The following CBFA2T3 variants were observed in gnomAD, a reference collection of about 807,000 sequenced individuals.
CBFA2T3 encodes the protein transcriptional corepressor CBFA2T3.
Under a neutral mutation model 58.6 loss-of-function variants are expected in CBFA2T3, and 31 were observed. That is an observed-to-expected ratio of 0.53 (90% confidence interval 0.40 to 0.71). The LOEUF is 0.71. Among genes scored for constraint, CBFA2T3 ranks in the 30% least tolerant of loss-of-function variants. CBFA2T3 has a pLI of 0.00. For missense variants in CBFA2T3, 1,076 were observed against 963.1 expected (o/e 1.12, Z -1.55); for synonymous variants, 531 against 421.9 (o/e 1.26, Z -3.17).
chr16:88,926,017 G>A (rs957328702), intron 1 of CBFA2T3, among the ~76,000 whole-genome samples: 1 of 152,234 alleles, frequency 6.6e-6, no homozygotes, highest in Non-Finnish European at 1.5e-5. Context: ...TCTGCCCCCT[G>A]GAAGGTCAGC....
At chr16:88,880,584 A>T in intron 10 of CBFA2T3, 136 bp downstream of exon 10, 1 of 719,760 alleles carries the variant, frequency 1.4e-6, no homozygotes, top group Non-Finnish European at 2.3e-6. Context: ...TGAGCCACAC[A>T]GCGGAATGCA....
At chr16:88,913,298 G>C (rs1385467137) in intron 1 of CBFA2T3, among the ~76,000 whole-genome samples, 3 of 152,234 alleles carry the variant, frequency 2.0e-5, no homozygotes, top group Non-Finnish European at 2.9e-5. Context: ...GACCGTGGCT[G>C]ACCACGGACC....
rs1567574080 is a variant in CBFA2T3, at chr16:88,881,371, G to GCGT, written c.1319_1321dup (p.Asp440dup). 6.3e-7 allele frequency: 1 copy of GCGT among 1,590,282 alleles called. No homozygotes were observed. Among genetic ancestry groups the GCGT allele is most frequent in the South Asian group, 1.1e-5 (1 of 89,060 alleles). On this transcript the variant is annotated inframe_insertion, in exon 9 of 12. Transcript: ENST00000268679. The stretch of plus-strand genomic sequence containing the variant: ...AGCGGGGCCCTTCTTTGTGTCCTCG[G>GCGT]CGTCGCTGTAGCGCCGCGCCCAGTG...
chr16:88,885,311 A>G lies in CBFA2T3; in HGVS notation c.894-42T>C. ...GTGGGGCGAGGGCAGTGGACATAGG[A>G]TGAACCGGGGACAGAGGTGCAGGTG... On this transcript the variant is annotated intron_variant, in intron 6 of 11. Coordinates refer to ENST00000268679, the MANE Select transcript of CBFA2T3 (RefSeq NM_005187.6). This position sits in a 1 kb window ranked among gnomAD's most constrained non-coding sequence, Gnocchi z 5.3. 1 of 1,409,528 alleles carries G rather than the reference A, an allele frequency of 7.1e-7. No individual in the cohort carries two copies. Among genetic ancestry groups the G allele is most frequent in the Non-Finnish European group, 9.5e-7 (1 of 1,052,602 alleles). 87.3% of individuals were successfully genotyped at this position (1,409,528 alleles called of 1,614,324 possible).
rs1194005181 is a variant in CBFA2T3, at chr16:88,885,419, G to A, written c.894-150C>T. On this transcript the variant is annotated intron_variant, in intron 6 of 11. Coordinates refer to ENST00000268679, the MANE Select transcript of CBFA2T3 (RefSeq NM_005187.6). This position sits in a 1 kb window ranked among gnomAD's most constrained non-coding sequence, Gnocchi z 5.3. ...AAACACGGAGCAAAACACCAGCCCCGGGAAGCCCAGCCCGGCGCCCCCACT... is the reference window on the plus strand; with the variant it reads ...AAACACGGAGCAAAACACCAGCCCCAGGAAGCCCAGCCCGGCGCCCCCACT... The A allele has an allele frequency of 1.1e-5, 6 of 546,706 alleles. No individual in the cohort carries two copies. The Admixed American group carries it at 1.5e-4, about 13-fold the overall frequency. 33.9% of individuals were successfully genotyped at this position (546,706 alleles called of 1,614,324 possible). A position where few individuals can be genotyped will look rare whatever the true frequency, so the allele number is the denominator to read the frequency against.
At chr16:88,941,464 G>T (rs1283344090) in intron 1 of CBFA2T3, among the ~76,000 whole-genome samples, 1 of 148,072 alleles carries the variant, frequency 6.8e-6, no homozygotes, top group African/African-American at 2.4e-5. Context: ...CCGCCCCGGG[G>T]CGCCGGCCTG....
chr16:88,976,751 A>G lies in CBFA2T3; in HGVS notation c.57T>C (p.Cys19=), dbSNP rs2142899566. ...CAGGGTGCGTCTGGGACATGGAGCC[A>G]CAGGTGGATCCCGAGGCTGAACTGG... is the stretch of plus-strand genomic sequence containing the variant. The part of the protein sequence containing the change: ...RAASSASGST[C]GSMSQTHPVL... The change falls in exon 1 of 12, where the codon TGT becomes TGC. Residue 19 remains cysteine (C), a synonymous_variant. Transcript: ENST00000268679. 6.4e-7 allele frequency: 1 copy of G among 1,557,296 alleles called. No homozygotes were observed. The highest frequency in any genetic ancestry group is 1.4e-5 in the African/African-American group (1 of 73,846).
At chr16:88,948,563 C>A (rs1255998794) in intron 1 of CBFA2T3, among the ~76,000 whole-genome samples, 1 of 152,230 alleles carries the variant, frequency 6.6e-6, no homozygotes, top group Non-Finnish European at 1.5e-5. Context: ...GGAGTCCGGG[C>A]TCCGGACAGG....
intron 5 of CBFA2T3, among the ~76,000 whole-genome samples, chr16:88,887,431 C>T (rs1352860374): frequency 6.6e-6 from 1 of 152,220 alleles, no homozygotes; most frequent in Non-Finnish European, 1.5e-5. Context: ...GGGAGAACAT[C>T]TGGATCCCTG....
At chr16:88,924,948 A>T (rs1971037338) in intron 1 of CBFA2T3, among the ~76,000 whole-genome samples, 1 of 152,218 alleles carries the variant, frequency 6.6e-6, no homozygotes. Context: ...GTGGGTGCAG[A>T]CAGTGAAAAC....
At chr16:88,905,562 A>G (rs7195662) in intron 1 of CBFA2T3, among the ~76,000 whole-genome samples, 8,787 of 151,094 alleles carry the variant, frequency 0.058, 433 homozygotes, top group African/African-American at 0.14. Flanking sequence ...AGGCCCCCAG[A>G]GGAAATGCCT....
rs1167816342 is a variant in CBFA2T3 at position 88,881,271 on chromosome 16, CCCCCACA to C, written c.1402+13_1402+19del. 4 of 1,593,846 alleles carry C rather than the reference CCCCCACA, an allele frequency of 2.5e-6. No individual in the cohort carries two copies. Among genetic ancestry groups the C allele is most frequent in the East Asian group, 4.5e-5 (2 of 44,662 alleles). On this transcript the variant is annotated intron_variant, in intron 9 of 11. Transcript: ENST00000268679. ...CAGAGCACCCCGTGTCTGCTCCCTCCCCCCACACCCCACACGCACCTAGCTGAGGCCC... is the reference window on the plus strand; with the variant it reads ...CAGAGCACCCCGTGTCTGCTCCCTCCCCCCACACGCACCTAGCTGAGGCCC...
chr16:88,941,399 C>CCCGCCG (rs1038578518), intron 1 of CBFA2T3, among the ~76,000 whole-genome samples: 50 of 146,808 alleles, frequency 3.4e-4, no homozygotes, highest in African/African-American at 1.2e-3. Flanking sequence ...CCTCCTGCCC[C>CCCGCCG]CCGCCGCCGC....
chr16:88,910,971 C>A (rs1317953820), intron 1 of CBFA2T3, among the ~76,000 whole-genome samples: 1 of 152,194 alleles, frequency 6.6e-6, no homozygotes, highest in Non-Finnish European at 1.5e-5. Flanking sequence ...CGCTGCCCTG[C>A]GGCCGCCTCC....
rs528183780 is a variant in CBFA2T3 at position 88,964,405 on chromosome 16, A to G, written c.151+12252T>C. ...GGCCCAGTGGCCTCTTTTGACTTTT[A>G]ATTTACTGCTGGTGAGGCTTCAGTT... is the stretch of plus-strand genomic sequence containing the variant. On this transcript the variant is annotated intron_variant, in intron 1 of 11. Transcript: ENST00000268679. 7.2e-5 allele frequency among the ~76,000 whole-genome samples: 11 copies of G among 152,340 alleles called. No homozygotes were observed. In the South Asian group the frequency reaches 2.3e-3, roughly 32 times the overall value.
At chr16:88,914,602 G>A (rs1056183537) in intron 1 of CBFA2T3, among the ~76,000 whole-genome samples, 1 of 152,180 alleles carries the variant, frequency 6.6e-6, no homozygotes, top group African/African-American at 2.4e-5. Context: ...AGCGACCAGG[G>A]TGAGTCTGGG....
intron 5 of CBFA2T3, among the ~76,000 whole-genome samples, chr16:88,890,915 T>C (rs1202379091): frequency 6.6e-6 from 1 of 152,176 alleles, no homozygotes; most frequent in Non-Finnish European, 1.5e-5. Context: ...GGTCTAGCTG[T>C]GTTGCCCAGG....
rs556811635 is a variant in CBFA2T3, at chr16:88,876,740, T to G, written c.*236A>C. The G allele has an allele frequency of 1.6e-3, 742 of 460,856 alleles. 3 individuals carry two copies. Among genetic ancestry groups the G allele is most frequent in the Middle Eastern group, 7.0e-3 (13 of 1,844 alleles). The allele number at this position is 460,856 out of a possible 1,614,324, so 28.5% of individuals were successfully genotyped here. A position where few individuals can be genotyped will look rare whatever the true frequency, so the allele number is the denominator to read the frequency against. On this transcript the variant is annotated 3_prime_UTR_variant, in exon 12 of 12. Coordinates refer to ENST00000268679, the MANE Select transcript of CBFA2T3 (RefSeq NM_005187.6). ...CTTGAAGAGACGTTGTCAGGAGGTC[T>G]CCGCGCGGAATCATTAGGTAGCTGA...
intron 3 of CBFA2T3, among the ~76,000 whole-genome samples, chr16:88,896,745 T>G (rs1279499734): frequency 6.6e-6 from 1 of 152,130 alleles, no homozygotes; most frequent in Non-Finnish European, 1.5e-5. Flanking sequence ...TCCAGCAGCT[T>G]CTCAGACGCG....
Sources: allele counts gnomAD v4.1 joint callset (sites outside exome capture counted in the v4.1 genomes callset), GRCh38; gene constraint gnomAD v4.1.1; non-coding constraint Gnocchi (gnomAD v3.1); transcripts MANE v1.5; gene names NCBI Gene and HGNC (gene_info 2026-07-23, HGNC 2026-07-21).